PTPRD: variants seen among roughly 807,000 people sequenced by gnomAD.
PTPRD encodes protein tyrosine phosphatase receptor type D.
A neutral mutation model predicts 214.5 loss-of-function variants in PTPRD; 34 were observed. That is an observed-to-expected ratio of 0.16 (90% CI 0.12 to 0.21). PTPRD has a LOEUF of 0.21. PTPRD is among the 10% of genes least tolerant of loss of function. PTPRD has a pLI of 1.00. For missense variants in PTPRD, 2,545 were observed against 2,398.7 expected, an observed-to-expected ratio of 1.06 and a Z score of -1.27; for synonymous variants, 1,128 against 845.7, an observed-to-expected ratio of 1.33 and a Z score of -5.79.
chr9:8,827,020 G>A (rs1417523722), intron 11 of PTPRD, among the ~76,000 whole-genome samples: 1 of 151,868 alleles, frequency 6.6e-6, no homozygotes, highest in Non-Finnish European at 1.5e-5. Context: ...AAACTCTAGT[G>A]TCTTTCTACC....
At chr9:10,412,753 T>A (rs2098450157) in intron 2 of PTPRD, among the ~76,000 whole-genome samples, 1 of 151,602 alleles carries the variant, frequency 6.6e-6, no homozygotes, top group Non-Finnish European at 1.5e-5. Flanking sequence ...ATCAAAAAGC[T>A]TATCCACAAC....
intron 8 of PTPRD, among the ~76,000 whole-genome samples, chr9:9,516,271 C>G (rs1455575169): frequency 6.6e-6 from 1 of 151,948 alleles, no homozygotes; most frequent in African/African-American, 2.4e-5. Flanking sequence ...TTTACTTAAG[C>G]TAAAAGAACA....
intron 3 of PTPRD, among the ~76,000 whole-genome samples, chr9:10,230,396 C>CTCTCTATG (rs1564665270): frequency 6.7e-6 from 1 of 149,452 alleles, no homozygotes; most frequent in Non-Finnish European, 1.5e-5. Context: ...AAACAGCTAT[C>CTCTCTATG]TATCTCTCTA....
chr9:10,213,908 G>A (rs934817857), intron 3 of PTPRD, among the ~76,000 whole-genome samples: 18 of 152,028 alleles, frequency 1.2e-4, no homozygotes, highest in African/African-American at 4.1e-4. Context: ...TTTCATTCCT[G>A]TCTTGATGGT....
intron 8 of PTPRD, among the ~76,000 whole-genome samples, chr9:9,523,160 T>C (rs1416276583): frequency 1.3e-5 from 2 of 152,222 alleles, no homozygotes; most frequent in African/African-American, 2.4e-5. Flanking sequence ...TTTAAAAAAA[T>C]GCTTTTTTAT....
chr9:9,909,324 T>G (rs985333935), intron 5 of PTPRD, among the ~76,000 whole-genome samples: 1 of 151,720 alleles, frequency 6.6e-6, no homozygotes, highest in Non-Finnish European at 1.5e-5. Flanking sequence ...AAAGTTTTTT[T>G]TTTTTTTTTA....
chr9:10,001,792 C>A (rs571410525), intron 4 of PTPRD, among the ~76,000 whole-genome samples: 117 of 152,164 alleles, frequency 7.7e-4, no homozygotes, highest in African/African-American at 2.8e-3. Context: ...GAAATACTAA[C>A]TGGAGAGTCC....
intron 3 of PTPRD, among the ~76,000 whole-genome samples, chr9:10,279,063 C>G (rs778646144): frequency 3.3e-5 from 5 of 152,152 alleles, no homozygotes; most frequent in Non-Finnish European, 5.9e-5. Context: ...CCTGAGCCAC[C>G]GCGCCTGGCC....
chr9:9,513,525 T>C (rs2096760029), intron 8 of PTPRD, among the ~76,000 whole-genome samples: 1 of 151,796 alleles, frequency 6.6e-6, no homozygotes, highest in South Asian at 2.1e-4. Flanking sequence ...GATCCAAAAA[T>C]TATTTATATA....
At chr9:8,347,336 T>C (rs914029056) in intron 39 of PTPRD, among the ~76,000 whole-genome samples, 1 of 152,130 alleles carries the variant, frequency 6.6e-6, no homozygotes, top group Non-Finnish European at 1.5e-5. Flanking sequence ...ATTTGTTGTA[T>C]TTTCATGACT....
intron 7 of PTPRD, among the ~76,000 whole-genome samples, chr9:9,646,343 GGGTGTGT>G (rs2096174229): frequency 6.8e-6 from 1 of 147,086 alleles, no homozygotes; most frequent in Non-Finnish European, 1.5e-5. Flanking sequence ...GTGTGTGTGT[GGGTGTGT>G]GTGTGTGTGT....
At chr9:9,281,341 A>G (rs1947619077) in intron 9 of PTPRD, among the ~76,000 whole-genome samples, 1 of 151,334 alleles carries the variant, frequency 6.6e-6, no homozygotes, top group Non-Finnish European at 1.5e-5. Context: ...AACATTTGCA[A>G]AAGACATCTA....
At chr9:9,622,344 A>C (rs2095273015) in intron 7 of PTPRD, among the ~76,000 whole-genome samples, 2 of 152,198 alleles carry the variant, frequency 1.3e-5, no homozygotes, top group African/African-American at 2.4e-5. Context: ...AACTAGACAC[A>C]TTATGTGGAA....
intron 4 of PTPRD, among the ~76,000 whole-genome samples, chr9:9,946,032 A>G (rs1188612124): frequency 3.8e-5 from 2 of 53,164 alleles, no homozygotes; most frequent in African/African-American, 2.0e-4. Flanking sequence ...TTAGAACTTG[A>G]GGAAGCCTTT....
At chr9:8,925,766 C>A (rs1431175618) in intron 11 of PTPRD, among the ~76,000 whole-genome samples, 1 of 151,598 alleles carries the variant, frequency 6.6e-6, no homozygotes, top group African/African-American at 2.4e-5. Context: ...CTCCTTTCTC[C>A]CCCTGACACT....
intron 14 of PTPRD, among the ~76,000 whole-genome samples, chr9:8,631,964 T>C (rs1303117822): frequency 6.6e-6 from 1 of 151,946 alleles, no homozygotes. Flanking sequence ...ATCTCACTTG[T>C]CTGTTTTAAA....
intron 2 of PTPRD, among the ~76,000 whole-genome samples, chr9:10,419,495 C>T (rs1467712892): frequency 6.6e-6 from 1 of 151,756 alleles, no homozygotes; most frequent in African/African-American, 2.4e-5. Context: ...GATAAAACAG[C>T]AATATTTCTA....
intron 31 of PTPRD, among the ~76,000 whole-genome samples, chr9:8,468,956 C>A (rs1166433418): frequency 6.6e-6 from 1 of 151,928 alleles, no homozygotes; most frequent in Non-Finnish European, 1.5e-5. Context: ...AGTTCTTTAT[C>A]AGAAATAATT....
At chr9:8,327,277 C>T (rs985176410) in intron 44 of PTPRD, among the ~76,000 whole-genome samples, 2 of 151,682 alleles carry the variant, frequency 1.3e-5, no homozygotes, top group African/African-American at 2.4e-5. Flanking sequence ...TGCCTTCATT[C>T]TGTTATTTAC....
Sources: allele counts gnomAD v4.1 joint callset (sites outside exome capture counted in the v4.1 genomes callset), GRCh38; gene constraint gnomAD v4.1.1; transcripts MANE v1.5; gene names NCBI Gene and HGNC (gene_info 2026-07-23, HGNC 2026-07-21).